Variants in TACC2 observed in about 807,000 individuals in gnomAD.
TACC2 encodes the protein transforming acidic coiled-coil containing protein 2.
In TACC2, 137 loss-of-function variants were observed where a neutral mutation model predicts 227.3. The ratio of observed to expected loss-of-function variants is 0.60; its 90% CI spans 0.52 to 0.69. The LOEUF (loss-of-function observed/expected upper bound fraction) is 0.69, where lower values mean the gene tolerates loss of function less well. TACC2 is among the 30% of genes least tolerant of loss of function. The probability of loss-of-function intolerance (pLI) is 0.00; values close to 1 mark genes in which losing one functional copy is unlikely to be tolerated. For missense variants in TACC2, 3,470 were observed against 3,694.4 expected (o/e 0.94, Z 1.57); for synonymous variants, 1,523 against 1,487.5 (o/e 1.02, Z -0.55).
intron 1 of TACC2, among the ~76,000 whole-genome samples, chr10:122,011,719 G>T (rs76111919): frequency 0.038 from 5,762 of 152,248 alleles, 137 homozygotes; most frequent in Non-Finnish European, 0.039. Context: ...TTTGTTGTTG[G>T]TGGTGGTGGT....
rs530242844 is a variant in TACC2, at chr10:121,992,600, T to C, written c.-46+3112T>C. Among the ~76,000 whole-genome samples the C allele has an allele frequency of 3.9e-5, 6 of 152,338 alleles. No individual in the cohort carries two copies. The East Asian group carries it at 1.2e-3, about 29-fold the overall frequency. On this transcript the variant is annotated intron_variant, in intron 1 of 22. Transcript: ENST00000369005. ...GGTGGAGTGTGGGATCATTCTCTTT[T>C]TCTGCCTGATGAAATGGAAGTGCTT...
chr10:122,230,690 T>C (rs930100522), intron 16 of TACC2, among the ~76,000 whole-genome samples: 5 of 152,112 alleles, frequency 3.3e-5, no homozygotes, highest in African/African-American at 7.2e-5. Context: ...CAGAGACCAA[T>C]GTATGGGTCA....
intron 3 of TACC2, among the ~76,000 whole-genome samples, chr10:122,074,008 C>T (rs1251532468): frequency 6.6e-6 from 1 of 151,520 alleles, no homozygotes. Flanking sequence ...TCTGGATCTC[C>T]TGACCTTGTG....
In TACC2 at chr10:122,211,045, C is replaced by T. The variant is rs1015585332; in HGVS notation, c.6620C>T (p.Ser2207Leu). 6 of 1,612,534 alleles carry T rather than the reference C, an allele frequency of 3.7e-6. No individual in the cohort carries two copies. In the African/African-American group the frequency reaches 4.0e-5, roughly 11 times the overall value. Reference protein sequence around the residue: ...VGPKAACPLDSESAEGVVPPA... With the variant: ...VGPKAACPLDLESAEGVVPPA... ...CCCAAAGCTGCCTGCCCTCTGGACT[C>T]AGAGAGTGCAGAAGGGGTTGTCCCC... Residue 2207 changes from serine to leucine, a missense_variant, in exon 9 of 23, where the codon TCA becomes TTA. Ser to Leu is a moderately radical substitution (Grantham distance 145, BLOSUM62 -2). Transcript: ENST00000369005.
chr10:122,181,036 G>T (rs1018864183), intron 7 of TACC2, among the ~76,000 whole-genome samples: 1 of 152,020 alleles, frequency 6.6e-6, no homozygotes, highest in Non-Finnish European at 1.5e-5. Context: ...GAGCCACCGC[G>T]CCCGGCCAAG....
At chr10:122,185,960 C>T (rs898411010) in intron 7 of TACC2, among the ~76,000 whole-genome samples, 1 of 152,112 alleles carries the variant, frequency 6.6e-6, no homozygotes, top group Admixed American at 6.5e-5. Context: ...GGTGGAATTT[C>T]GCTCTTGTTG....
At chr10:122,047,962 G>A (rs1395910928) in intron 2 of TACC2, among the ~76,000 whole-genome samples, 2 of 152,168 alleles carry the variant, frequency 1.3e-5, no homozygotes, top group African/African-American at 2.4e-5. Context: ...TGGACACAAT[G>A]GGATGAACAC....
intron 5 of TACC2, among the ~76,000 whole-genome samples, chr10:122,124,390 A>C (rs1201950161): frequency 1.3e-5 from 2 of 152,048 alleles, no homozygotes; most frequent in African/African-American, 4.8e-5. Flanking sequence ...CACTGCCTGC[A>C]TTTCTTGCCC....
intron 8 of TACC2, among the ~76,000 whole-genome samples, chr10:122,207,687 A>C (rs1049951824): frequency 2.6e-5 from 4 of 152,258 alleles, no homozygotes; most frequent in Non-Finnish European, 4.4e-5. Flanking sequence ...AGAGCATGTC[A>C]GTTCTAAAGA....
At chr10:122,154,709 G>C (rs531796870) in intron 7 of TACC2, among the ~76,000 whole-genome samples, 1 of 152,314 alleles carries the variant, frequency 6.6e-6, no homozygotes, top group Non-Finnish European at 1.5e-5. Flanking sequence ...GTTAGGCAGG[G>C]TGTAGAGGGA....
Position 122,194,493 on chromosome 10 carries a change from G to A in TACC2, c.5835-547G>A, listed in dbSNP as rs1002207712. On this transcript the variant is annotated intron_variant, in intron 7 of 22. Coordinates refer to ENST00000369005, the MANE Select transcript of TACC2 (RefSeq NM_206862.4). This position sits in a 1 kb window ranked among gnomAD's most constrained non-coding sequence, Gnocchi z 4.4. The stretch of plus-strand genomic sequence containing the variant: ...ACCCACTCAACACATGTTCATTCCC[G>A]GCCCTCCACTGTAGGCTTGGAGATA... 3.3e-5 allele frequency among the ~76,000 whole-genome samples: 5 copies of A among 152,232 alleles called. No individual in the cohort carries two copies. Among genetic ancestry groups the A allele is most frequent in the African/African-American group, 4.8e-5 (2 of 41,538 alleles).
intron 3 of TACC2, among the ~76,000 whole-genome samples, chr10:122,073,515 C>G (rs1015926173): frequency 5.3e-5 from 8 of 152,134 alleles, no homozygotes; most frequent in Admixed American, 2.0e-4. Context: ...CTGAAATGTC[C>G]TTACCAATTC....
At position 122,096,347 on chromosome 10, in the gene TACC2, G is replaced by A. The variant is rs941034879; in HGVS notation, c.5573+7756G>A. ...CCCCATGAACTGGCTCCTGACAGCA[G>A]CGCTTGTGGCAAACCCTCCCTGCCC... On this transcript the variant is annotated intron_variant, in intron 5 of 22. Transcript: ENST00000369005. Among the ~76,000 whole-genome samples, 5 of 152,170 alleles carry A rather than the reference G, an allele frequency of 3.3e-5. No homozygotes were observed. In the South Asian group the frequency reaches 1.0e-3, roughly 31 times the overall value.
chr10:122,115,744 T>C (rs1422460082), intron 5 of TACC2, among the ~76,000 whole-genome samples: 3 of 151,868 alleles, frequency 2.0e-5, no homozygotes, highest in Non-Finnish European at 4.4e-5. Flanking sequence ...TGTGCATATG[T>C]GTACATGCAT....
intron 8 of TACC2, among the ~76,000 whole-genome samples, chr10:122,201,898 G>C (rs376299234): frequency 6.6e-6 from 1 of 152,182 alleles, no homozygotes; most frequent in East Asian, 1.9e-4. Flanking sequence ...TCACCAAGCC[G>C]ATTAGTGGCA....
intron 5 of TACC2, among the ~76,000 whole-genome samples, chr10:122,118,858 G>A (rs2085207741): frequency 1.3e-5 from 2 of 152,194 alleles, no homozygotes; most frequent in Non-Finnish European, 2.9e-5. Flanking sequence ...TTAAGTGTTA[G>A]CTAGACAGAT....
intron 2 of TACC2, among the ~76,000 whole-genome samples, chr10:122,049,473 G>T (rs1057113187): frequency 6.6e-6 from 1 of 152,158 alleles, no homozygotes; most frequent in African/African-American, 2.4e-5. Flanking sequence ...GCAGGGACAT[G>T]GGGCACTATG....
At chr10:122,203,697 C>T (rs2094977451) in intron 8 of TACC2, among the ~76,000 whole-genome samples, 1 of 151,694 alleles carries the variant, frequency 6.6e-6, no homozygotes, top group Non-Finnish European at 1.5e-5. Flanking sequence ...CAGAGGGGCT[C>T]CTCACATCCC....
intron 5 of TACC2, among the ~76,000 whole-genome samples, chr10:122,129,907 G>C (rs1031683805): frequency 1.3e-5 from 2 of 152,212 alleles, no homozygotes; most frequent in African/African-American, 4.8e-5. Flanking sequence ...ATCGTATTGA[G>C]AGGATAGTTT....
Sources: allele counts gnomAD v4.1 joint callset (sites outside exome capture counted in the v4.1 genomes callset), GRCh38; gene constraint gnomAD v4.1.1; non-coding constraint Gnocchi (gnomAD v3.1); transcripts MANE v1.5; gene names NCBI Gene and HGNC (gene_info 2026-07-23, HGNC 2026-07-21).